The following ALG8 variants were observed in gnomAD, a reference collection of about 807,000 sequenced individuals.
ALG8 encodes the protein dolichyl pyrophosphate Glc1Man9GlcNAc2 alpha-1,3-glucosyltransferase.
Under a neutral mutation model 70.2 loss-of-function variants are expected in ALG8, and 48 were observed. The ratio of observed to expected loss-of-function variants is 0.68; its 90% confidence interval spans 0.54 to 0.87. The LOEUF (loss-of-function observed/expected upper bound fraction) is 0.87. Ranked by LOEUF, ALG8 falls within the 40% of genes least tolerant of loss-of-function variation. The probability of loss-of-function intolerance (pLI) is 0.00; values close to 1 mark genes in which losing one functional copy is unlikely to be tolerated. For missense variants in ALG8, 572 were observed against 608.7 expected, an observed-to-expected ratio of 0.94 and a Z score of 0.64; for synonymous variants, 234 against 229.0, an observed-to-expected ratio of 1.02 and a Z score of -0.20.
At chr11:78,106,725 T>G in intron 10 of ALG8, 82 bp downstream of exon 10, 1 of 1,584,342 alleles carries the variant, frequency 6.3e-7, no homozygotes, top group Non-Finnish European at 8.6e-7. Context: ...CTGGTGAACA[T>G]GACAAGAAGG....
chr11:78,118,018 C>T (rs1002641130), intron 5 of ALG8, among the ~76,000 whole-genome samples: 2 of 150,386 alleles, frequency 1.3e-5, no homozygotes, highest in Non-Finnish European at 3.0e-5. Context: ...TTGCAGTGAG[C>T]CAAGATCGCG....
intron 3 of ALG8, among the ~76,000 whole-genome samples, chr11:78,122,723 C>T (rs1860877590): frequency 6.6e-6 from 1 of 152,162 alleles, no homozygotes; most frequent in Non-Finnish European, 1.5e-5. Flanking sequence ...CTTGTATACT[C>T]TTCCCCTGGA....
At chr11:78,105,435 T>C (rs1859977044) in intron 10 of ALG8, among the ~76,000 whole-genome samples, 1 of 152,176 alleles carries the variant, frequency 6.6e-6, no homozygotes, top group African/African-American at 2.4e-5. Flanking sequence ...ATTCAGGTCC[T>C]AACTCTAATT....
chr11:78,107,028 C>T (rs1565345668), intron 9 of ALG8, 82 bp from the exon 10 acceptor site: 2 of 1,524,258 alleles, frequency 1.3e-6, no homozygotes, highest in Non-Finnish European at 1.8e-6. Context: ...ATACAATTTG[C>T]ATCATCTCTG....
At position 78,101,165 on chromosome 11, in the gene ALG8, T is replaced by C; in HGVS notation, c.1380A>G (p.Glu460=). ...GCCCCAGGCCAAGCAGGTAGAAAGT[T>C]TCCATCCAATTAAAAAGAGGTTTTT... The part of the protein sequence containing the change: ...RKEKPLFNWM[E]TFYLLGLGPL... Residue 460 remains glutamate, a synonymous_variant, in exon 13 of 13, where the codon GAA becomes GAG. Transcript: ENST00000299626. The C allele has an allele frequency of 6.2e-7, 1 of 1,614,082 alleles. No individual in the cohort carries two copies. The highest frequency in any genetic ancestry group is 1.3e-5 in the African/African-American group (1 of 75,038).
chr11:78,115,370 T>C (rs541437889), intron 5 of ALG8, among the ~76,000 whole-genome samples: 4 of 151,934 alleles, frequency 2.6e-5, no homozygotes, highest in African/African-American at 4.8e-5. Context: ...AAGGAAAACA[T>C]AGGCAAGTGA....
At chr11:78,132,833 A>ATTT (rs55934753) in intron 1 of ALG8, among the ~76,000 whole-genome samples, 39 of 113,904 alleles carry the variant, frequency 3.4e-4, no homozygotes, top group African/African-American at 1.0e-3. Context: ...TTCTTCTTCC[A>ATTT]TTTTTTTTTT....
chr11:78,127,225 C>T (rs1173542993), intron 2 of ALG8, 133 bp downstream of exon 2: 4 of 753,996 alleles, frequency 5.3e-6, no homozygotes, highest in Non-Finnish European at 8.7e-6. Context: ...GATCTGCCCG[C>T]CTTGGCCTCC....
chr11:78,139,560 G>A lies in ALG8; in HGVS notation c.29C>T (p.Thr10Ile). 1 of 1,560,454 alleles carries A rather than the reference G, an allele frequency of 6.4e-7. No homozygotes were observed. Among genetic ancestry groups the A allele is most frequent in the Non-Finnish European group, 8.7e-7 (1 of 1,151,766 alleles). MAALTIATG[T>I]GNWFSALALG... ...CGCCAAAGCCGAAAACCAATTGCCA[G>A]TACCCGTGGCAATTGTGAGCGCCGC... Residue 10 changes from threonine to isoleucine, a missense_variant, in exon 1 of 13, where the codon ACT becomes ATT. By Grantham distance (89) the Thr-to-Ile change is moderately conservative. Coordinates refer to ENST00000299626, the MANE Select transcript of ALG8 (RefSeq NM_024079.5).
At chr11:78,138,696 T>C in intron 1 of ALG8, 1 of 456,056 alleles carries the variant, frequency 2.2e-6, no homozygotes, top group South Asian at 1.5e-5. Context: ...TATTAATAAA[T>C]ACTGAGTACC....
chr11:78,120,775 A>T (rs948995590), intron 4 of ALG8, among the ~76,000 whole-genome samples: 12 of 152,356 alleles, frequency 7.9e-5, no homozygotes, highest in African/African-American at 2.6e-4. Flanking sequence ...AAAACTATTT[A>T]ATATATATGT....
chr11:78,124,389 G>T (rs1860971363), intron 2 of ALG8, among the ~76,000 whole-genome samples, 175 bp from the exon 3 acceptor site: 1 of 152,194 alleles, frequency 6.6e-6, no homozygotes, highest in Non-Finnish European at 1.5e-5. Context: ...GATCGCTTGA[G>T]CCCAGGAGTT....
rs943948390 is a variant in ALG8 at position 78,139,325 on chromosome 11, G to A, written c.95+169C>T. 18 of 700,692 alleles carry A rather than the reference G, an allele frequency of 2.6e-5. No individual in the cohort carries two copies. In the Admixed American group the frequency reaches 2.7e-4, roughly 11 times the overall value. 43.4% of individuals were successfully genotyped at this position (700,692 alleles called of 1,614,324 possible). A position where few individuals can be genotyped will look rare whatever the true frequency, so the allele number is the denominator to read the frequency against. ...GCCAGGTCTGAACCTAGCCAGCTGG[G>A]GCTAAGTCAAGTAACAACTGGCGAA... On this transcript the variant is annotated intron_variant, in intron 1 of 12. Coordinates refer to ENST00000299626, the MANE Select transcript of ALG8 (RefSeq NM_024079.5).
intron 1 of ALG8, chr11:78,138,956 C>T (rs909911225): frequency 1.1e-5 from 4 of 358,562 alleles, no homozygotes; most frequent in African/African-American, 8.5e-5. Context: ...TTTCCTATGC[C>T]TGAACTGCTT....
intron 1 of ALG8, among the ~76,000 whole-genome samples, chr11:78,132,680 C>T (rs1368880290): frequency 6.6e-6 from 1 of 152,148 alleles, no homozygotes; most frequent in Non-Finnish European, 1.5e-5. Context: ...AAGTTCTACA[C>T]ACTTGCACAC....
At chr11:78,102,528 G>C (rs1859839886) in intron 12 of ALG8, among the ~76,000 whole-genome samples, 1 of 152,192 alleles carries the variant, frequency 6.6e-6, no homozygotes, top group Non-Finnish European at 1.5e-5. Flanking sequence ...ACAAGTATCT[G>C]TTGAGTCCCT....
chr11:78,119,338 T>A, intron 4 of ALG8, 89 bp from the exon 5 acceptor site: 1 of 937,316 alleles, frequency 1.1e-6, no homozygotes, highest in Non-Finnish European at 1.7e-6. Flanking sequence ...CCAAATGCTT[T>A]AATAGCAAAA....
At chr11:78,122,889 T>C (rs1860886205) in intron 3 of ALG8, among the ~76,000 whole-genome samples, 1 of 152,152 alleles carries the variant, frequency 6.6e-6, no homozygotes, top group African/African-American at 2.4e-5. Context: ...AAGGGACTCT[T>C]TACTGAGTGG....
chr11:78,134,117 TG>T (rs1185413049), intron 1 of ALG8, among the ~76,000 whole-genome samples: 30 of 151,762 alleles, frequency 2.0e-4, no homozygotes, highest in Middle Eastern at 3.4e-3. Context: ...TGCTGAAGAT[TG>T]GGGTGACTTG....
Sources: allele counts gnomAD v4.1 joint callset (sites outside exome capture counted in the v4.1 genomes callset), GRCh38; gene constraint gnomAD v4.1.1; transcripts MANE v1.5; gene names NCBI Gene and HGNC (gene_info 2026-07-23, HGNC 2026-07-21).